PAFAH1B2: variants seen among roughly 807,000 people sequenced by gnomAD.
PAFAH1B2 encodes platelet activating factor acetylhydrolase 1b catalytic subunit 2.
Under a neutral mutation model 28.0 loss-of-function variants are expected in PAFAH1B2, and 8 were observed. That is an observed-to-expected ratio of 0.29 (90% confidence interval 0.17 to 0.52). The LOEUF (loss-of-function observed/expected upper bound fraction) is 0.52, where lower values mean the gene tolerates loss of function less well. PAFAH1B2 is among the 20% of genes least tolerant of loss of function. The pLI, the probability that PAFAH1B2 is intolerant of heterozygous loss-of-function variation, is 0.97. For missense variants in PAFAH1B2, 190 were observed against 282.6 expected, an observed-to-expected ratio of 0.67 and a Z score of 2.35; for synonymous variants, 104 against 103.2, an observed-to-expected ratio of 1.01 and a Z score of -0.05.
rs1042417802 is a variant in PAFAH1B2, at chr11:117,169,698, C to T, written c.*1999C>T. 7.6e-6 allele frequency: 8 copies of T among 1,056,422 alleles called. No individual in the cohort carries two copies. The highest frequency in any genetic ancestry group is 6.6e-5 in the African/African-American group (4 of 60,534). The allele number at this position is 1,056,422 out of a possible 1,614,324, so 65.4% of individuals were successfully genotyped here. A position where few individuals can be genotyped will look rare whatever the true frequency, so the allele number is the denominator to read the frequency against. ...AACTTGTTTACGACATTAAAAATTT[C>T]CTTTTTATTTTTAGTAGCCCAGGTT... On this transcript the variant is annotated 3_prime_UTR_variant, in exon 6 of 6. Coordinates refer to ENST00000527958, the MANE Select transcript of PAFAH1B2 (RefSeq NM_002572.4).
At chr11:117,154,537 C>A (rs1343574840) in intron 2 of PAFAH1B2, among the ~76,000 whole-genome samples, 1 of 152,302 alleles carries the variant, frequency 6.6e-6, no homozygotes, top group Non-Finnish European at 1.5e-5. Flanking sequence ...GCTTCCCGGG[C>A]TTAAGTGATC....
rs1956593066 is a variant in PAFAH1B2, at chr11:117,169,332, A to AT, written c.*1634dup. On this transcript the variant is annotated 3_prime_UTR_variant, in exon 6 of 6. Transcript: ENST00000527958. The stretch of plus-strand genomic sequence containing the variant: ...TGGGATAATAGATGATTTTATCAGT[A>AT]TACCTGTGGAATATGTACAAACTGG... 9.5e-7 allele frequency: 1 copy of AT among 1,048,632 alleles called. No individual in the cohort carries two copies. Among genetic ancestry groups the AT allele is most frequent in the Non-Finnish European group, 1.2e-6 (1 of 868,914 alleles). 65.0% of individuals were successfully genotyped at this position (1,048,632 alleles called of 1,614,324 possible). A position where few individuals can be genotyped will look rare whatever the true frequency, so the allele number is the denominator to read the frequency against.
downstream of PAFAH1B2, among the ~76,000 whole-genome samples, chr11:117,177,910 T>G (rs969274507): frequency 6.6e-6 from 1 of 152,236 alleles, no homozygotes; most frequent in Non-Finnish European, 1.5e-5. Flanking sequence ...GCATCATTTT[T>G]GATGCCTTCA....
chr11:117,154,343 TTCTTG>T (rs1486980254), intron 2 of PAFAH1B2, among the ~76,000 whole-genome samples: 3 of 152,218 alleles, frequency 2.0e-5, no homozygotes, highest in Non-Finnish European at 4.4e-5. Flanking sequence ...ATCTTCATTA[TTCTTG>T]TCTTAAGTTA....
At chr11:117,145,752 GT>G (rs1375156829) in intron 1 of PAFAH1B2, among the ~76,000 whole-genome samples, 19 of 152,194 alleles carry the variant, frequency 1.2e-4, no homozygotes, top group African/African-American at 4.6e-4. Flanking sequence ...AGAGTCTTAG[GT>G]CTGAGTGGAA....
downstream of PAFAH1B2, among the ~76,000 whole-genome samples, chr11:117,174,164 T>TTTG (rs766588493): frequency 2.9e-5 from 4 of 138,920 alleles, no homozygotes; most frequent in African/African-American, 1.1e-4. Context: ...TTCATGTCTT[T>TTTG]TGTGTGTGTG....
intron 2 of PAFAH1B2, among the ~76,000 whole-genome samples, chr11:117,157,049 A>T (rs1565266087): frequency 2.0e-5 from 3 of 149,874 alleles, no homozygotes; most frequent in Non-Finnish European, 4.4e-5. Context: ...GAAAAAAAAA[A>T]AGAAAGGTAG....
chr11:117,151,436 G>A (rs1956149428), intron 1 of PAFAH1B2, among the ~76,000 whole-genome samples: 1 of 151,732 alleles, frequency 6.6e-6, no homozygotes, highest in Non-Finnish European at 1.5e-5. Flanking sequence ...TCACTATGTT[G>A]GCCAGGATGG....
At position 117,170,993 on chromosome 11, in the gene PAFAH1B2, A is replaced by T; in HGVS notation, c.*3294A>T. On this transcript the variant is annotated 3_prime_UTR_variant, in exon 6 of 6. Transcript: ENST00000527958. ...TTGGCAAAGTTTCATTGACTAGTAG[A>T]ACTCATTCTGTTTTAGTGTATATTT... 1 of 1,046,898 alleles carries T rather than the reference A, an allele frequency of 9.6e-7. No individual in the cohort carries two copies. Among genetic ancestry groups the T allele is most frequent in the Non-Finnish European group, 1.2e-6 (1 of 867,606 alleles). The allele number at this position is 1,046,898 out of a possible 1,614,324, so 64.9% of individuals were successfully genotyped here.
chr11:117,166,735 T>C (rs1267066938), intron 5 of PAFAH1B2, among the ~76,000 whole-genome samples: 1 of 152,176 alleles, frequency 6.6e-6, no homozygotes, highest in African/African-American at 2.4e-5. Context: ...CTTTTTCTCA[T>C]AGTATATTAT....
intron 1 of PAFAH1B2, among the ~76,000 whole-genome samples, chr11:117,146,457 C>T (rs1376857417): frequency 6.6e-6 from 1 of 152,108 alleles, no homozygotes; most frequent in East Asian, 1.9e-4. Flanking sequence ...TCCATAAGAG[C>T]AGATAATTCT....
chr11:117,174,602 C>T (rs769606367), downstream of PAFAH1B2, among the ~76,000 whole-genome samples: 1 of 152,112 alleles, frequency 6.6e-6, no homozygotes, highest in South Asian at 2.1e-4. Context: ...CCTCAGCCTC[C>T]GAAGTAGCCG....
intron 5 of PAFAH1B2, among the ~76,000 whole-genome samples, chr11:117,165,795 G>T (rs1458474223): frequency 6.6e-6 from 1 of 152,074 alleles, no homozygotes; most frequent in Non-Finnish European, 1.5e-5. Flanking sequence ...TTGAGCCTGG[G>T]ATGGTTAGGA....
Position 117,168,768 on chromosome 11 carries a change from TA to T in PAFAH1B2, c.*1070del. The stretch of plus-strand genomic sequence containing the variant: ...TTATAATATCTTAAGGTGTATATTT[TA>T]TTTTTTTTATTGGCTTAGTTGTTTT... On this transcript the variant is annotated 3_prime_UTR_variant, in exon 6 of 6. Transcript: ENST00000527958. The T allele has an allele frequency of 9.9e-7, 1 of 1,012,046 alleles. No homozygotes were observed. Among genetic ancestry groups the T allele is most frequent in the Non-Finnish European group, 1.2e-6 (1 of 834,940 alleles). 62.7% of individuals were successfully genotyped at this position (1,012,046 alleles called of 1,614,324 possible). A position where few individuals can be genotyped will look rare whatever the true frequency, so the allele number is the denominator to read the frequency against.
intron 2 of PAFAH1B2, among the ~76,000 whole-genome samples, chr11:117,157,579 TCTTC>T (rs918265954): frequency 1.3e-4 from 20 of 152,318 alleles, no homozygotes; most frequent in Admixed American, 1.0e-3. Flanking sequence ...AAATAGTAAC[TCTTC>T]CTTAATTCCT....
At chr11:117,175,122 CAAA>C (rs1302011355), downstream of PAFAH1B2, 12 of 1,239,390 alleles carry the variant, frequency 9.7e-6, no homozygotes, top group Non-Finnish European at 1.2e-5. Context: ...AAATATAAGT[CAAA>C]TAAGCCTTAT....
chr11:117,163,943 G>A, intron 5 of PAFAH1B2, 51 bp downstream of exon 5: 1 of 1,582,508 alleles, frequency 6.3e-7, no homozygotes, highest in African/African-American at 1.4e-5. Flanking sequence ...GTCAGCTGAG[G>A]AATCTTTTTA....
In PAFAH1B2 at chr11:117,170,405, G is replaced by A. The variant is rs1956624733; in HGVS notation, c.*2706G>A. ...ATAAAGATGTCTGTGGTCATATGTTGAATGTGGCAGCTTGAAGATGTACTG... is the reference window on the plus strand; with the variant it reads ...ATAAAGATGTCTGTGGTCATATGTTAAATGTGGCAGCTTGAAGATGTACTG... On this transcript the variant is annotated 3_prime_UTR_variant, in exon 6 of 6. Transcript: ENST00000527958. 1 of 1,058,882 alleles carries A rather than the reference G, an allele frequency of 9.4e-7. No individual in the cohort carries two copies. The highest frequency in any genetic ancestry group is 4.6e-5 in the South Asian group (1 of 21,724). The allele number at this position is 1,058,882 out of a possible 1,614,324, so 65.6% of individuals were successfully genotyped here.
chr11:117,171,150 C>A, downstream of PAFAH1B2: 1 of 767,154 alleles, frequency 1.3e-6, no homozygotes, highest in Non-Finnish European at 1.6e-6. Flanking sequence ...CTTAGATGAT[C>A]CTGCTTCTTT....
Sources: gnomAD v4.1 joint callset for allele counts (sites outside exome capture counted in the v4.1 genomes callset) on GRCh38, gnomAD v4.1.1 for gene constraint, MANE v1.5 for transcripts, NCBI Gene and HGNC (gene_info 2026-07-23, HGNC 2026-07-21) for gene names.